Variants in FGGY observed in about 807,000 individuals in gnomAD.
FGGY encodes FGGY carbohydrate kinase domain containing, also known as FGGY carbohydrate kinase domain-containing protein.
FGGY carries 72 observed loss-of-function variants against 71.3 expected under a neutral mutation model. The ratio of observed to expected loss-of-function variants is 1.01; its 90% confidence interval spans 0.84 to 1.23. The LOEUF (loss-of-function observed/expected upper bound fraction) is 1.23, where lower values mean the gene tolerates loss of function less well. Among genes scored for constraint, FGGY ranks in the 50% most tolerant of loss-of-function variants. The pLI is 0.00. For missense variants in FGGY, 668 were observed against 682.3 expected (o/e 0.98, Z 0.23); for synonymous variants, 251 against 250.3 (o/e 1.00, Z -0.02).
intron 7 of FGGY, among the ~76,000 whole-genome samples, chr1:59,539,985 A>G (rs2095414433): frequency 6.6e-6 from 1 of 152,264 alleles, no homozygotes; most frequent in African/African-American, 2.4e-5. Flanking sequence ...AGAAAAGAGG[A>G]TATACAAATG....
intron 5 of FGGY, among the ~76,000 whole-genome samples, chr1:59,424,796 T>A (rs1484993908): frequency 5.3e-5 from 8 of 152,108 alleles, no homozygotes; most frequent in Non-Finnish European, 8.8e-5. Context: ...TTCAGTGCTG[T>A]TTAGGGTCAA....
rs55873418 is a variant in FGGY, at chr1:59,306,010, A to C, written c.-15+8860A>C. On this transcript the variant is annotated intron_variant, in intron 1 of 15. Transcript: ENST00000303721. ...CTGTGTTCATCCTTTTTGTGCCACA[A>C]TCTGCAGACATATCCCAGGGATTAA... 5.3e-3 allele frequency among the ~76,000 whole-genome samples: 813 copies of C among 152,258 alleles called. 6 individuals are homozygous for C. The highest frequency in any genetic ancestry group is 0.018 in the African/African-American group (764 of 41,548).
At chr1:59,506,471 G>A (rs555673201) in intron 6 of FGGY, among the ~76,000 whole-genome samples, 35 of 152,302 alleles carry the variant, frequency 2.3e-4, no homozygotes, top group African/African-American at 8.4e-4. Context: ...GTGGGATTCT[G>A]ACCAGATTTA....
intron 4 of FGGY, among the ~76,000 whole-genome samples, chr1:59,372,430 C>A (rs908246034): frequency 4.6e-5 from 7 of 152,126 alleles, no homozygotes; most frequent in Non-Finnish European, 1.0e-4. Flanking sequence ...GCTTACCAAC[C>A]AAAAAGAGTC....
At chr1:59,364,202 C>G (rs2056163047) in intron 4 of FGGY, among the ~76,000 whole-genome samples, 1 of 152,198 alleles carries the variant, frequency 6.6e-6, no homozygotes, top group African/African-American at 2.4e-5. Flanking sequence ...GCCCCCCTCT[C>G]CATTGGTACT....
At chr1:59,676,201 T>C (rs1042040123) in intron 14 of FGGY, among the ~76,000 whole-genome samples, 1 of 152,140 alleles carries the variant, frequency 6.6e-6, no homozygotes, top group African/African-American at 2.4e-5. Flanking sequence ...GCAGGATGCG[T>C]GTTTTTATCC....
intron 7 of FGGY, among the ~76,000 whole-genome samples, chr1:59,514,254 C>A (rs1558182939): frequency 1.3e-5 from 2 of 152,206 alleles, no homozygotes; most frequent in South Asian, 4.1e-4. Context: ...CAATCATCCA[C>A]CCCTACCTGG....
At chr1:59,479,953 C>T (rs2153564581) in intron 6 of FGGY, among the ~76,000 whole-genome samples, 1 of 152,298 alleles carries the variant, frequency 6.6e-6, no homozygotes, top group East Asian at 1.9e-4. Flanking sequence ...TTTCTATATG[C>T]TGTATCTAAT....
chr1:59,635,459 C>A (rs1014243669), intron 10 of FGGY, among the ~76,000 whole-genome samples: 1 of 151,450 alleles, frequency 6.6e-6, no homozygotes, highest in Non-Finnish European at 1.5e-5. Context: ...TAGGCCTATA[C>A]GTTCTTATTG....
chr1:59,737,288 C>T (rs2098114404), intron 14 of FGGY, among the ~76,000 whole-genome samples: 2 of 152,228 alleles, frequency 1.3e-5, no homozygotes, highest in African/African-American at 2.4e-5. Context: ...CCCAGAGTCC[C>T]TACTGGGGCA....
At chr1:59,475,069 A>ATT (rs1296052895) in intron 6 of FGGY, among the ~76,000 whole-genome samples, 1 of 152,228 alleles carries the variant, frequency 6.6e-6, no homozygotes, top group African/African-American at 2.4e-5. Flanking sequence ...TAGGTGATAG[A>ATT]TTATCTGCCA....
chr1:59,635,162 A>G (rs1268116896), intron 10 of FGGY, among the ~76,000 whole-genome samples: 4 of 152,230 alleles, frequency 2.6e-5, no homozygotes, highest in Non-Finnish European at 4.4e-5. Flanking sequence ...TTATGTGAAT[A>G]ATGATGTGTA....
At chr1:59,593,504 T>G (rs2096482815) in intron 8 of FGGY, among the ~76,000 whole-genome samples, 1 of 152,188 alleles carries the variant, frequency 6.6e-6, no homozygotes, top group Non-Finnish European at 1.5e-5. Context: ...AAAATGGGGA[T>G]AAAGATACCT....
chr1:59,417,665 A>T (rs1054694042), intron 5 of FGGY, among the ~76,000 whole-genome samples: 4 of 152,036 alleles, frequency 2.6e-5, no homozygotes, highest in African/African-American at 9.7e-5. Context: ...GTGGTATCTC[A>T]TTGTGGTTTT....
At position 59,451,288 on chromosome 1, in the gene FGGY, T is replaced by C. The variant is rs926303669; in HGVS notation, c.555-5673T>C. Among the ~76,000 whole-genome samples the C allele has an allele frequency of 9.2e-5, 14 of 152,016 alleles. 1 individual carries two copies. Among genetic ancestry groups the C allele is most frequent in the Non-Finnish European group, 1.5e-5 (1 of 67,914 alleles). Reference sequence around the variant, plus strand: ...TATGTATTTCAAGGAACGTTTTCTGTGTACCCCTTCTCTAGACTCTTACTT... The same window carrying C: ...TATGTATTTCAAGGAACGTTTTCTGCGTACCCCTTCTCTAGACTCTTACTT... On this transcript the variant is annotated intron_variant, in intron 5 of 15. Transcript: ENST00000303721.
chr1:59,635,013 G>T (rs138959211), intron 10 of FGGY, among the ~76,000 whole-genome samples: 1 of 152,174 alleles, frequency 6.6e-6, no homozygotes, highest in South Asian at 2.1e-4. Flanking sequence ...GAGAGAGAGG[G>T]TGAGCGATCC....
chr1:59,368,829 C>G (rs543575078), intron 4 of FGGY, among the ~76,000 whole-genome samples: 1 of 151,994 alleles, frequency 6.6e-6, no homozygotes, highest in African/African-American at 2.4e-5. Context: ...TGGTGGCTCA[C>G]GCCTGTAATA....
chr1:59,688,974 T>A (rs1238617441), intron 14 of FGGY, among the ~76,000 whole-genome samples: 1 of 152,128 alleles, frequency 6.6e-6, no homozygotes, highest in Non-Finnish European at 1.5e-5. Flanking sequence ...GGTCTCGAAC[T>A]CCTGACCTCA....
rs183928576 is a variant in FGGY at position 59,368,171 on chromosome 1, G to C, written c.466-10578G>C. On this transcript the variant is annotated intron_variant, in intron 4 of 15. Transcript: ENST00000303721. ...GATACATCTGAAATTGGTGTGTGTCGAGGGCCTGCTCCTTGCACTCTCTAA... is the reference window on the plus strand; with the variant it reads ...GATACATCTGAAATTGGTGTGTGTCCAGGGCCTGCTCCTTGCACTCTCTAA... Among the ~76,000 whole-genome samples the C allele has an allele frequency of 2.0e-5, 3 of 152,246 alleles. 1 individual carries two copies. Among genetic ancestry groups the C allele is most frequent in the South Asian group, 2.1e-4 (1 of 4,832 alleles).
Sources: allele counts gnomAD v4.1 joint callset (sites outside exome capture counted in the v4.1 genomes callset), GRCh38; gene constraint gnomAD v4.1.1; transcripts MANE v1.5; gene names NCBI Gene and HGNC (gene_info 2026-07-23, HGNC 2026-07-21).